The following NXNL1 variants were observed in gnomAD, a reference collection of about 807,000 sequenced individuals.
The protein encoded by NXNL1 is nucleoredoxin-like protein 1.
NXNL1 carries 6 observed loss-of-function variants against 7.2 expected under a neutral mutation model. That is an observed-to-expected ratio of 0.83 (90% confidence interval 0.46 to 1.64). The LOEUF (loss-of-function observed/expected upper bound fraction) is 1.64. NXNL1 is among the 40% of genes most tolerant of loss of function. The pLI is 0.01. For missense variants in NXNL1, 308 were observed against 285.1 expected, an observed-to-expected ratio of 1.08 and a Z score of -0.58; for synonymous variants, 133 against 127.2, an observed-to-expected ratio of 1.05 and a Z score of -0.31.
At position 17,455,711 on chromosome 19, in the gene NXNL1, G is replaced by A. The variant is rs991668160; in HGVS notation, c.575C>T (p.Ala192Val). 5 of 1,046,822 alleles carry A rather than the reference G, an allele frequency of 4.8e-6. No homozygotes were observed. The highest frequency in any genetic ancestry group is 3.3e-5 in the Admixed American group (1 of 30,090). The allele number at this position is 1,046,822 out of a possible 1,614,324, so 64.8% of individuals were successfully genotyped here. A position where few individuals can be genotyped will look rare whatever the true frequency, so the allele number is the denominator to read the frequency against. Residue 192 changes from alanine (A) to valine (V), a missense_variant, in exon 2 of 2, where the codon GCG becomes GTG. Coordinates refer to ENST00000301944, the MANE Select transcript of NXNL1 (RefSeq NM_138454.2). ...TCCCCCGGGGTCGCGCCCGCCTCGC[G>A]CCGCCTTTTCCACGCGGTACTTGTG... The part of the protein sequence containing the change: ...RRHKYRVEKA[A>V]RGGRDPGGGG...
chr19:17,459,129 G>T (rs2075003971), intron 1 of NXNL1, among the ~76,000 whole-genome samples: 1 of 152,110 alleles, frequency 6.6e-6, no homozygotes, highest in African/African-American at 2.4e-5. Flanking sequence ...ATGGCTCCCT[G>T]CTACTCTGAG....
At chr19:17,459,549 C>G (rs1036428796) in intron 1 of NXNL1, among the ~76,000 whole-genome samples, 4 of 152,014 alleles carry the variant, frequency 2.6e-5, no homozygotes, top group Non-Finnish European at 5.9e-5. Context: ...TCGCAAGTAG[C>G]TGGGACCACA....
rs76407302 is a variant in NXNL1 at position 17,460,777 on chromosome 19, C to A, written c.93G>T (p.Glu31Asp). 1 of 1,613,840 alleles carries A rather than the reference C, an allele frequency of 6.2e-7. No individual in the cohort carries two copies. The highest frequency in any genetic ancestry group is 1.1e-5 in the South Asian group (1 of 91,086). ...CAAAGAACAGCAGCACCAGCCGGTT[C>A]TCCAGCCTGCGACTGACCTCAGCCT... ...DTEAEVSRRL[E>D]NRLVLLFFGA... Residue 31 changes from glutamate (E) to aspartate (D), a missense_variant, in exon 1 of 2, where the codon GAG becomes GAT. Coordinates refer to ENST00000301944, the MANE Select transcript of NXNL1 (RefSeq NM_138454.2).
chr19:17,460,484 A>T (rs557103440), intron 1 of NXNL1, 60 bp downstream of exon 1: 2 of 1,550,400 alleles, frequency 1.3e-6, no homozygotes, highest in Non-Finnish European at 1.7e-6. Context: ...GTTAGAATGG[A>T]TGCTTCACTT....
At position 17,455,941 on chromosome 19, in the gene NXNL1, G is replaced by C. The variant is rs1267803785; in HGVS notation, c.345C>G (p.Phe115Leu). ...CGACCGCCGGCAGGCGCTCCACTGA[G>C]AACTGGCGCCCGAGGTCCCTGCGGA... ...DDLRRDLGRQ[F>L]SVERLPAVVV... The change falls in exon 2 of 2, where the codon TTC becomes TTG. Residue 115 changes from phenylalanine to leucine, a missense_variant. By Grantham distance (22) the Phe-to-Leu change is conservative (BLOSUM62 0). Coordinates refer to ENST00000301944, the MANE Select transcript of NXNL1 (RefSeq NM_138454.2). 1.9e-6 allele frequency: 3 copies of C among 1,597,370 alleles called. No homozygotes were observed. The highest frequency in any genetic ancestry group is 2.2e-5 in the East Asian group (1 of 44,862).
chr19:17,460,746 C>T lies in NXNL1; in HGVS notation c.124G>A (p.Gly42Arg), dbSNP rs759850757. 6.2e-6 allele frequency: 10 copies of T among 1,613,686 alleles called. No individual in the cohort carries two copies. Among genetic ancestry groups the T allele is most frequent in the Middle Eastern group, 1.6e-4 (1 of 6,084 alleles). ...NRLVLLFFGA[G>R]ACPQCQAFVP... ...AAGGCCTGGCACTGTGGACAAGCCC[C>T]AGCACCAAAGAACAGCAGCACCAGC... is the stretch of plus-strand genomic sequence containing the variant. The change falls in exon 1 of 2, where the codon GGG becomes AGG. Residue 42 changes from glycine to arginine, a missense_variant. Coordinates refer to ENST00000301944, the MANE Select transcript of NXNL1 (RefSeq NM_138454.2).
intron 1 of NXNL1, among the ~76,000 whole-genome samples, chr19:17,457,079 T>C (rs2074995952): frequency 7.2e-6 from 1 of 138,716 alleles, no homozygotes; most frequent in Non-Finnish European, 1.6e-5. Flanking sequence ...CATATATATA[T>C]GACACTCCCT....
At chr19:17,458,362 A>C (rs543132856) in intron 1 of NXNL1, among the ~76,000 whole-genome samples, 45 of 150,240 alleles carry the variant, frequency 3.0e-4, no homozygotes, top group African/African-American at 1.1e-3. Context: ...CTGGGACTAC[A>C]GGCGCCCGCC....
intron 1 of NXNL1, among the ~76,000 whole-genome samples, chr19:17,458,087 T>C (rs888441353): frequency 3.3e-5 from 5 of 152,202 alleles, no homozygotes; most frequent in African/African-American, 4.8e-5. Flanking sequence ...TATGTGTCTA[T>C]AGACACGTAT....
chr19:17,460,801 C>T lies in NXNL1; in HGVS notation c.69G>A (p.Glu23=), dbSNP rs757302134. The T allele has an allele frequency of 1.2e-6, 2 of 1,613,884 alleles. No individual in the cohort carries two copies. The highest frequency in any genetic ancestry group is 2.2e-5 in the East Asian group (1 of 44,882). The change falls in exon 1 of 2, where the codon GAG becomes GAA. Residue 23 remains glutamate (E), a synonymous_variant. Coordinates refer to ENST00000301944, the MANE Select transcript of NXNL1 (RefSeq NM_138454.2). ...TCTCCAGCCTGCGACTGACCTCAGC[C>T]TCCGTATCCAGCTCGTCCTGGTCGC... ...NNSDQDELDT[E]AEVSRRLENR... is the part of the protein sequence containing the mutation.
chr19:17,458,893 C>T (rs1427024026), intron 1 of NXNL1, among the ~76,000 whole-genome samples: 2 of 151,968 alleles, frequency 1.3e-5, no homozygotes, highest in Non-Finnish European at 2.9e-5. Context: ...CATGAGCCAC[C>T]GCACCAAGCC....
chr19:17,455,913 C>T lies in NXNL1; in HGVS notation c.373G>A (p.Val125Met), dbSNP rs757370258. ...AGCACGTCCCCGTCCGGCTTGAGCA[C>T]CACGACCGCCGGCAGGCGCTCCACT... ...FSVERLPAVV[V>M]LKPDGDVLTR... Residue 125 changes from valine (V) to methionine (M), a missense_variant, in exon 2 of 2, where the codon GTG becomes ATG. Transcript: ENST00000301944. 4 of 1,595,608 alleles carry T rather than the reference C, an allele frequency of 2.5e-6. No individual in the cohort carries two copies. Among genetic ancestry groups the T allele is most frequent in the South Asian group, 1.1e-5 (1 of 90,664 alleles).
intron 1 of NXNL1, among the ~76,000 whole-genome samples, chr19:17,457,362 C>CAATTTTTT (rs1262722762): frequency 1.3e-5 from 2 of 151,916 alleles, no homozygotes; most frequent in Non-Finnish European, 2.9e-5. Context: ...TTGTTTATCT[C>CAATTTTTT]AATTTTTTTT....
Position 17,455,547 on chromosome 19 carries a change from C to G in NXNL1, c.*100G>C, listed in dbSNP as rs2074988719. 3 of 718,556 alleles carry G rather than the reference C, an allele frequency of 4.2e-6. No individual in the cohort carries two copies. Among genetic ancestry groups the G allele is most frequent in the Non-Finnish European group, 6.8e-6 (3 of 443,050 alleles). 44.5% of individuals were successfully genotyped at this position (718,556 alleles called of 1,614,324 possible). ...AACCTCTGGGCTCAAGCGATCCTCC[C>G]GCCTTGGCCTCCCCAAGTGCTGGGA... On this transcript the variant is annotated 3_prime_UTR_variant, in exon 2 of 2. Coordinates refer to ENST00000301944, the MANE Select transcript of NXNL1 (RefSeq NM_138454.2).
rs1026381171 is a variant in NXNL1, at chr19:17,455,429, G to A, written c.*218C>T. Reference sequence around the variant, plus strand: ...ATCCATTCTCCCACCTCAGCCTTCAGGGTAGCTAAGCCACAGGTGCGCGCC... The same window carrying A: ...ATCCATTCTCCCACCTCAGCCTTCAAGGTAGCTAAGCCACAGGTGCGCGCC... On this transcript the variant is annotated 3_prime_UTR_variant, in exon 2 of 2. Coordinates refer to ENST00000301944, the MANE Select transcript of NXNL1 (RefSeq NM_138454.2). 1.4e-5 allele frequency: 8 copies of A among 570,218 alleles called. No homozygotes were observed. The highest frequency in any genetic ancestry group is 1.1e-4 in the African/African-American group (6 of 52,384). The allele number at this position is 570,218 out of a possible 1,614,324, so 35.3% of individuals were successfully genotyped here.
chr19:17,458,788 G>A (rs961630173), intron 1 of NXNL1, among the ~76,000 whole-genome samples: 2 of 151,598 alleles, frequency 1.3e-5, no homozygotes, highest in African/African-American at 4.8e-5. Context: ...TTTTAGTAGA[G>A]ACGGGGTTTC....
At position 17,455,930 on chromosome 19, in the gene NXNL1, C is replaced by T. The variant is rs748127563; in HGVS notation, c.356G>A (p.Arg119His). The T allele has an allele frequency of 3.1e-6, 5 of 1,596,310 alleles. No homozygotes were observed. Among genetic ancestry groups the T allele is most frequent in the East Asian group, 2.2e-5 (1 of 44,826 alleles). Reference sequence around the variant, plus strand: ...CTTGAGCACCACGACCGCCGGCAGGCGCTCCACTGAGAACTGGCGCCCGAG... The same window carrying T: ...CTTGAGCACCACGACCGCCGGCAGGTGCTCCACTGAGAACTGGCGCCCGAG... ...RDLGRQFSVERLPAVVVLKPD... is the reference protein window; with the variant it reads ...RDLGRQFSVEHLPAVVVLKPD... The change falls in exon 2 of 2, where the codon CGC becomes CAC. Residue 119 changes from arginine to histidine, a missense_variant. Transcript: ENST00000301944.
At chr19:17,456,845 G>A (rs1019128836) in intron 1 of NXNL1, among the ~76,000 whole-genome samples, 3 of 151,906 alleles carry the variant, frequency 2.0e-5, no homozygotes, top group African/African-American at 7.3e-5. Flanking sequence ...ACAGGAGATC[G>A]AGACCATCCT....
At position 17,460,749 on chromosome 19, in the gene NXNL1, C is replaced by A; in HGVS notation, c.121G>T (p.Ala41Ser). ...ENRLVLLFFG[A>S]GACPQCQAFV... ...GCCTGGCACTGTGGACAAGCCCCAG[C>A]ACCAAAGAACAGCAGCACCAGCCGG... The change falls in exon 1 of 2, where the codon GCT becomes TCT. Residue 41 changes from alanine to serine, a missense_variant. Coordinates refer to ENST00000301944, the MANE Select transcript of NXNL1 (RefSeq NM_138454.2). The A allele has an allele frequency of 1.2e-6, 2 of 1,613,754 alleles. No individual in the cohort carries two copies. Among genetic ancestry groups the A allele is most frequent in the Admixed American group, 1.7e-5 (1 of 60,016 alleles).
Sources: gnomAD v4.1 joint callset for allele counts (sites outside exome capture counted in the v4.1 genomes callset) on GRCh38, gnomAD v4.1.1 for gene constraint, MANE v1.5 for transcripts, NCBI Gene and HGNC (gene_info 2026-07-23, HGNC 2026-07-21) for gene names.